The following STK32A variants were observed in gnomAD, a reference collection of about 807,000 sequenced individuals.
The protein encoded by STK32A is serine/threonine-protein kinase 32A.
STK32A carries 41 observed loss-of-function variants against 53.2 expected under a neutral mutation model. That is an observed-to-expected ratio of 0.77 (90% confidence interval 0.60 to 1.00). The LOEUF is 1.00. Among genes scored for constraint, STK32A ranks in the 50% least tolerant of loss-of-function variants. The pLI is 0.00. For synonymous variants in STK32A, 166 were observed against 162.8 expected (o/e 1.02, Z -0.15); for missense variants, 458 against 485.8 (o/e 0.94, Z 0.54).
At position 147,360,882 on chromosome 5, in the gene STK32A, T is replaced by C. The variant is rs183101301; in HGVS notation, c.563-635T>C. ...TTAGAGAATGCATAACTTGGGGTCCTCTCTGGGGGTAAAATTGACTGTAGC... is the reference window on the plus strand; with the variant it reads ...TTAGAGAATGCATAACTTGGGGTCCCCTCTGGGGGTAAAATTGACTGTAGC... On this transcript the variant is annotated intron_variant, in intron 7 of 12. Coordinates refer to ENST00000397936, the MANE Select transcript of STK32A (RefSeq NM_001112724.2). Among the ~76,000 whole-genome samples the C allele has an allele frequency of 6.6e-5, 10 of 152,288 alleles. No homozygotes were observed. In the East Asian group the frequency reaches 1.9e-3, roughly 29 times the overall value.
At position 147,324,046 on chromosome 5, in the gene STK32A, C is replaced by A. The variant is rs750073972; in HGVS notation, c.409C>A (p.Leu137Met). 6.2e-7 allele frequency: 1 copy of A among 1,608,220 alleles called. No individual in the cohort carries two copies. The highest frequency in any genetic ancestry group is 8.5e-7 in the Non-Finnish European group (1 of 1,177,270). Residue 137 changes from leucine (L) to methionine (M), a missense_variant, in exon 5 of 13, where the codon CTG (leucine) becomes ATG (methionine). By Grantham distance (15) the Leu-to-Met change is conservative. Transcript: ENST00000397936. Reference protein sequence around the residue: ...ICELVMALDYLQNQRIIHRDM... With the variant: ...ICELVMALDYMQNQRIIHRDM... ...TGAGCTGGTCATGGCCCTGGACTAC[C>A]TGCAGAACCAGCGCATCATTCACAG...
chr5:147,276,985 A>G (rs182663849), intron 2 of STK32A, among the ~76,000 whole-genome samples: 2 of 152,296 alleles, frequency 1.3e-5, no homozygotes, highest in Admixed American at 1.3e-4. Context: ...TAGAAAGGGA[A>G]TTTGGAGTTG....
chr5:147,348,180 G>A (rs920276773), intron 6 of STK32A, among the ~76,000 whole-genome samples: 5 of 152,112 alleles, frequency 3.3e-5, no homozygotes, highest in African/African-American at 9.7e-5. Flanking sequence ...ATATAAAATA[G>A]GGCCTACCTC....
intron 4 of STK32A, among the ~76,000 whole-genome samples, chr5:147,308,298 T>C (rs1359218200): frequency 6.6e-6 from 1 of 152,136 alleles, no homozygotes; most frequent in Non-Finnish European, 1.5e-5. Context: ...ACTAGGTATT[T>C]GATAAGATTA....
chr5:147,337,320 T>C (rs1581110649), intron 5 of STK32A, among the ~76,000 whole-genome samples: 1 of 152,218 alleles, frequency 6.6e-6, no homozygotes, highest in East Asian at 1.9e-4. Flanking sequence ...TCTGAAATCA[T>C]AGGCTCGTAA....
At chr5:147,332,926 C>T (rs1032699528) in intron 5 of STK32A, among the ~76,000 whole-genome samples, 2 of 152,152 alleles carry the variant, frequency 1.3e-5, no homozygotes, top group African/African-American at 4.8e-5. Flanking sequence ...TGTGAAAACC[C>T]ATGTGAAAAG....
intron 4 of STK32A, among the ~76,000 whole-genome samples, chr5:147,319,315 T>C (rs1393409443): frequency 6.6e-6 from 1 of 151,934 alleles, no homozygotes; most frequent in African/African-American, 2.4e-5. Context: ...GCTAATTTTT[T>C]GTATTTTTAG....
chr5:147,246,302 C>T (rs1342414967), intron 2 of STK32A, among the ~76,000 whole-genome samples: 1 of 152,116 alleles, frequency 6.6e-6, no homozygotes, highest in Non-Finnish European at 1.5e-5. Flanking sequence ...ATTGGAGAAA[C>T]AAACTAGAAA....
intron 4 of STK32A, among the ~76,000 whole-genome samples, chr5:147,297,264 G>A (rs1253976754): frequency 6.6e-6 from 1 of 152,134 alleles, no homozygotes; most frequent in African/African-American, 2.4e-5. Flanking sequence ...CAGCTTCTCT[G>A]TTGAGCACCT....
chr5:147,291,111 T>C (rs1752580181), intron 4 of STK32A, among the ~76,000 whole-genome samples: 1 of 152,182 alleles, frequency 6.6e-6, no homozygotes, highest in African/African-American at 2.4e-5. Flanking sequence ...ATACTCATGT[T>C]TCTCTAAACC....
At chr5:147,399,117 C>T in the STK32A span, 12 of 1,614,096 alleles carry the variant, frequency 7.4e-6, no homozygotes, top group African/African-American at 8.0e-5. Flanking sequence ...ATCTTCACAG[C>T]ATCTGGATCC....
intron 11 of STK32A, among the ~76,000 whole-genome samples, chr5:147,382,477 ATAC>A (rs764542288): frequency 1.5e-4 from 23 of 152,034 alleles, no homozygotes; most frequent in Admixed American, 1.2e-3. Context: ...TGAATGAGCC[ATAC>A]TTCTCTATTT....
intron 10 of STK32A, among the ~76,000 whole-genome samples, chr5:147,374,273 T>G: frequency 7.1e-6 from 1 of 140,846 alleles, no homozygotes; most frequent in African/African-American, 2.9e-5. Flanking sequence ...GGTAACAGAG[T>G]GAGACCCTGT....
chr5:147,295,178 T>A (rs1358027812), intron 4 of STK32A, among the ~76,000 whole-genome samples: 10 of 152,234 alleles, frequency 6.6e-5, no homozygotes, highest in African/African-American at 2.4e-4. Context: ...TTAGCTTTTC[T>A]ACACCATATA....
the STK32A span, chr5:147,395,524 C>T: frequency 1.3e-6 from 2 of 1,582,474 alleles, no homozygotes; most frequent in African/African-American, 2.7e-5. Flanking sequence ...CCCCTTCCCC[C>T]TTCTCTTATC....
intron 4 of STK32A, among the ~76,000 whole-genome samples, chr5:147,309,761 T>C (rs1039780121): frequency 6.6e-6 from 1 of 152,210 alleles, no homozygotes; most frequent in African/African-American, 2.4e-5. Context: ...TTCATATATC[T>C]TCAACTACTA....
intron 4 of STK32A, among the ~76,000 whole-genome samples, chr5:147,292,654 AG>A (rs1752654085): frequency 1.3e-5 from 2 of 152,310 alleles, no homozygotes; most frequent in East Asian, 3.9e-4. Flanking sequence ...GGATCACCTG[AG>A]GTCGGGAGTT....
Position 147,370,784 on chromosome 5 carries a change from C to T in STK32A, c.777+14C>T, listed in dbSNP as rs1162624888. The T allele has an allele frequency of 6.5e-7, 1 of 1,540,868 alleles. No homozygotes were observed. ...CTTCTTAAAAAGGTAAGAAGGAAGA[C>T]TGCATGTCCAAACGAAGTAACAAAA... is the stretch of plus-strand genomic sequence containing the variant. On this transcript the variant is annotated intron_variant, in intron 9 of 12. Coordinates refer to ENST00000397936, the MANE Select transcript of STK32A (RefSeq NM_001112724.2).
chr5:147,388,371 G>T (rs974890688), downstream of STK32A, among the ~76,000 whole-genome samples: 2 of 152,178 alleles, frequency 1.3e-5, no homozygotes, highest in Non-Finnish European at 2.9e-5. Context: ...ACCCACAGTG[G>T]GTGGGCAGCC....
Sources: gnomAD v4.1 joint callset for allele counts (sites outside exome capture counted in the v4.1 genomes callset) on GRCh38, gnomAD v4.1.1 for gene constraint, MANE v1.5 for transcripts, NCBI Gene and HGNC (gene_info 2026-07-23, HGNC 2026-07-21) for gene names.